The following SORCS1 variants were observed in gnomAD, a reference collection of about 807,000 sequenced individuals.
SORCS1 encodes the protein VPS10 domain-containing receptor SorCS1.
In SORCS1, 60 loss-of-function variants were observed where a neutral mutation model predicts 146.1. The observed-to-expected ratio is 0.41, with a 90% CI of 0.33 to 0.51. SORCS1 has a LOEUF of 0.51. SORCS1 is among the 20% of genes least tolerant of loss of function. The pLI is 0.21. For missense variants in SORCS1, 1,352 were observed against 1,487.6 expected, an observed-to-expected ratio of 0.91 and a Z score of 1.50; for synonymous variants, 637 against 584.0, an observed-to-expected ratio of 1.09 and a Z score of -1.31.
intron 2 of SORCS1, among the ~76,000 whole-genome samples, chr10:106,946,065 G>T (rs1356802876): frequency 6.6e-6 from 1 of 152,140 alleles, no homozygotes; most frequent in East Asian, 1.9e-4. Context: ...TGACAGCAAT[G>T]TCATGGAATT....
chr10:106,998,095 C>T lies in SORCS1; in HGVS notation c.559-41515G>A, dbSNP rs143636370. ...GCTTAATGTGCAAAGCCTCCTTGTG[C>T]GAATGTCAGGCCCCATAATTTCATA... is the stretch of plus-strand genomic sequence containing the variant. On this transcript the variant is annotated intron_variant, in intron 1 of 25. Transcript: ENST00000263054. Among the ~76,000 whole-genome samples the T allele has an allele frequency of 1.2e-4, 18 of 152,278 alleles. No homozygotes were observed. The East Asian group carries it at 1.9e-3, about 16-fold the overall frequency.
At chr10:106,597,152 G>A (rs1034335508) in intron 24 of SORCS1, among the ~76,000 whole-genome samples, 199 bp downstream of exon 24, 1 of 152,190 alleles carries the variant, frequency 6.6e-6, no homozygotes, top group Non-Finnish European at 1.5e-5. Context: ...GAACCCAGCT[G>A]AAAGTGTCAC....
At chr10:107,175,914 T>C in the SORCS1 span, among the ~76,000 whole-genome samples, 1 of 152,168 alleles carries the variant, frequency 6.6e-6, no homozygotes, top group Non-Finnish European at 1.5e-5. Context: ...TATGGGTAAT[T>C]TTTGTTTTCT....
chr10:106,577,581 T>A, intron 25 of SORCS1, 26 bp from the exon 26 acceptor site: 1 of 1,609,818 alleles, frequency 6.2e-7, no homozygotes, highest in Non-Finnish European at 8.5e-7. Context: ...TAACACTTAC[T>A]CATTTAATGA....
intron 3 of SORCS1, among the ~76,000 whole-genome samples, chr10:106,779,055 T>C (rs1053692659): frequency 6.6e-6 from 1 of 152,176 alleles, no homozygotes; most frequent in Non-Finnish European, 1.5e-5. Context: ...GTAACGCACA[T>C]ATTTCCCAAC....
intron 1 of SORCS1, among the ~76,000 whole-genome samples, chr10:107,018,848 T>C (rs1273830240): frequency 6.6e-6 from 1 of 152,202 alleles, no homozygotes; most frequent in African/African-American, 2.4e-5. Context: ...TGTATGTACG[T>C]TACACTTTAA....
At chr10:106,768,629 C>G (rs1029036445) in intron 4 of SORCS1, among the ~76,000 whole-genome samples, 1 of 152,188 alleles carries the variant, frequency 6.6e-6, no homozygotes, top group Non-Finnish European at 1.5e-5. Flanking sequence ...CTGTTCCATT[C>G]ATTCTGCTTC....
chr10:106,698,210 A>C (rs1369181371), intron 9 of SORCS1, among the ~76,000 whole-genome samples: 1 of 152,226 alleles, frequency 6.6e-6, no homozygotes, highest in Non-Finnish European at 1.5e-5. Flanking sequence ...CATTGAAAGG[A>C]ATTACAATGA....
At chr10:106,855,711 C>G (rs190769494) in intron 2 of SORCS1, among the ~76,000 whole-genome samples, 280 of 152,300 alleles carry the variant, frequency 1.8e-3, no homozygotes, top group African/African-American at 6.6e-3. Flanking sequence ...TCATCTCTAG[C>G]ATTTCTTCTT....
chr10:106,939,516 A>G (rs1484164465), intron 2 of SORCS1, among the ~76,000 whole-genome samples: 2 of 152,228 alleles, frequency 1.3e-5, no homozygotes, highest in Non-Finnish European at 2.9e-5. Flanking sequence ...ATAAATATAC[A>G]TTTCTGAAAG....
chr10:107,054,719 C>CA (rs1293072822), intron 1 of SORCS1, among the ~76,000 whole-genome samples: 1 of 152,170 alleles, frequency 6.6e-6, no homozygotes, highest in African/African-American at 2.4e-5. Flanking sequence ...AGCCAAACAG[C>CA]AAACCACAGG....
Position 106,773,039 on chromosome 10 carries a change from A to G in SORCS1, c.885+3495T>C, listed in dbSNP as rs536771552. On this transcript the variant is annotated intron_variant, in intron 4 of 25. Coordinates refer to ENST00000263054, the MANE Select transcript of SORCS1 (RefSeq NM_052918.5). The stretch of plus-strand genomic sequence containing the variant: ...AACAAGGAAGCCAGCAAATAAAGAA[A>G]AAGAGAAAAGAGGAGGACCCTGTTC... Among the ~76,000 whole-genome samples the G allele has an allele frequency of 3.9e-5, 6 of 152,300 alleles. No individual in the cohort carries two copies. In the South Asian group the frequency reaches 1.2e-3, roughly 32 times the overall value.
intron 1 of SORCS1, among the ~76,000 whole-genome samples, chr10:107,017,275 A>C (rs1039493815): frequency 6.6e-6 from 1 of 152,240 alleles, no homozygotes; most frequent in Non-Finnish European, 1.5e-5. Context: ...AAACTGATAA[A>C]TTAACTCTGG....
At chr10:107,039,305 C>G (rs576218806) in intron 1 of SORCS1, among the ~76,000 whole-genome samples, 1 of 132,740 alleles carries the variant, frequency 7.5e-6, no homozygotes, top group South Asian at 2.4e-4. Flanking sequence ...TCCAGCCTGG[C>G]GACAGAGAGA....
At chr10:106,758,035 A>T (rs1858787881) in intron 5 of SORCS1, among the ~76,000 whole-genome samples, 1 of 152,228 alleles carries the variant, frequency 6.6e-6, no homozygotes, top group Non-Finnish European at 1.5e-5. Context: ...ATATGTCTGT[A>T]TTCAAAAACA....
rs1201665017 is a variant in SORCS1, at chr10:106,919,850, T to C, written c.626+36663A>G. Among the ~76,000 whole-genome samples the C allele has an allele frequency of 2.6e-5, 4 of 152,370 alleles. No individual in the cohort carries two copies. The East Asian group carries it at 7.7e-4, about 29-fold the overall frequency. The stretch of plus-strand genomic sequence containing the variant: ...CCCATTGTTTCAATATGAATATTTA[T>C]AGTGCCCATTCTTAAAAGGGTTCTA... On this transcript the variant is annotated intron_variant, in intron 2 of 25. Transcript: ENST00000263054.
At chr10:106,649,828 C>T (rs907955768) in intron 18 of SORCS1, among the ~76,000 whole-genome samples, 4 of 152,040 alleles carry the variant, frequency 2.6e-5, no homozygotes, top group Non-Finnish European at 4.4e-5. Context: ...CTCTAGATGG[C>T]GTATTTCCTG....
At chr10:106,854,610 T>C (rs1949713885) in intron 2 of SORCS1, among the ~76,000 whole-genome samples, 1 of 152,048 alleles carries the variant, frequency 6.6e-6, no homozygotes, top group African/African-American at 2.4e-5. Context: ...TCTTAGCCTA[T>C]TTGTTTTCCT....
intron 2 of SORCS1, among the ~76,000 whole-genome samples, chr10:106,848,248 G>T (rs1949392316): frequency 2.0e-5 from 1 of 49,534 alleles, no homozygotes; most frequent in Non-Finnish European, 4.2e-5. Context: ...CTCAGGACTT[G>T]CTTTATGAAT....
Sources: allele counts gnomAD v4.1 joint callset (sites outside exome capture counted in the v4.1 genomes callset), GRCh38; gene constraint gnomAD v4.1.1; transcripts MANE v1.5; gene names NCBI Gene and HGNC (gene_info 2026-07-23, HGNC 2026-07-21).